TDG: variants seen among roughly 807,000 people sequenced by gnomAD.
TDG encodes the protein G/T mismatch-specific thymine DNA glycosylase.
TDG carries 23 observed loss-of-function variants against 46.1 expected under a neutral mutation model. The ratio of observed to expected loss-of-function variants is 0.50; its 90% CI spans 0.36 to 0.71. The LOEUF is 0.71. TDG is among the 30% of genes least tolerant of loss of function. TDG has a pLI of 0.00. For synonymous variants in TDG, 115 were observed against 161.3 expected (o/e 0.71, Z 2.18); for missense variants, 304 against 486.7 (o/e 0.62, Z 3.53).
In TDG at chr12:103,979,882, C is replaced by G; in HGVS notation, c.218C>G (p.Pro73Arg). 6.2e-7 allele frequency: 1 copy of G among 1,603,752 alleles called. No homozygotes were observed. Among genetic ancestry groups the G allele is most frequent in the Non-Finnish European group, 8.5e-7 (1 of 1,177,680 alleles). ...RKPRTTEPKQ[P>R]VEPKKPVESK... ...CCCAGAACAACAGAACCAAAACAAC[C>G]AGTGGAACCCAAAAAACCTGTTGAG... The change falls in exon 3 of 10, where the codon CCA (proline) becomes CGA (arginine). Residue 73 changes from proline to arginine, a missense_variant. Transcript: ENST00000392872.
intron 3 of TDG, 62 bp from the exon 4 acceptor site, chr12:103,980,831 A>G: frequency 6.7e-7 from 1 of 1,497,034 alleles, no homozygotes; most frequent in Non-Finnish European, 9.1e-7. Flanking sequence ...ACTCCTCCAT[A>G]GAAACGCTAA....
At chr12:103,980,668 G>T (rs966770315) in intron 3 of TDG, 13 of 427,944 alleles carry the variant, frequency 3.0e-5, no homozygotes, top group African/African-American at 1.4e-4. Flanking sequence ...AGTCAAACTG[G>T]TTTTTTAAAA....
chr12:103,982,804 T>G lies in TDG; in HGVS notation c.484T>G (p.Cys162Gly). 1 of 1,612,168 alleles carries G rather than the reference T, an allele frequency of 6.2e-7. No individual in the cohort carries two copies. The highest frequency in any genetic ancestry group is 1.1e-5 in the South Asian group (1 of 90,802). ...ACTGAATTTTCATTTTACAGGGAAG[T>G]GTTTGTTTATGTCAGGGCTCAGTGA... ...YPGPGNHFWK[C>G]LFMSGLSEVQ... Residue 162 changes from cysteine to glycine, a missense_variant, in exon 5 of 10, where the codon TGT becomes GGT. Physicochemically the swap from Cys to Gly is radical, Grantham distance 159. Coordinates refer to ENST00000392872, the MANE Select transcript of TDG (RefSeq NM_003211.6).
intron 4 of TDG, among the ~76,000 whole-genome samples, chr12:103,981,793 T>G (rs1199524652): frequency 6.6e-6 from 1 of 152,138 alleles, no homozygotes; most frequent in African/African-American, 2.4e-5. Flanking sequence ...GAGGATCACT[T>G]GAGGCCAGGA....
rs1292967562 is a variant in TDG, at chr12:103,977,056, G to A, written c.162G>A (p.Val54=). Residue 54 remains valine, a synonymous_variant, in exon 2 of 10, where the codon GTG becomes GTA. Transcript: ENST00000392872. ...CCCCAGCTCCTGCTCAGGAACCAGTGCAAGGTAGTTTCACCATGAGAGCTT... is the reference window on the plus strand; with the variant it reads ...CCCCAGCTCCTGCTCAGGAACCAGTACAAGGTAGTTTCACCATGAGAGCTT... The part of the protein sequence containing the change: ...VPAPAPAQEP[V]QEAPKGRKRK... The A allele has an allele frequency of 1.9e-6, 3 of 1,607,916 alleles. No individual in the cohort carries two copies. Among genetic ancestry groups the A allele is most frequent in the East Asian group, 2.2e-5 (1 of 44,856 alleles).
rs567953735 is a variant in TDG, at chr12:103,988,297, A to G, written c.*1207A>G. ...AGCATGCTGTTTTGTCAATCAATAT[A>G]AAATATTTATGAGGTCTCCCCCACC... On this transcript the variant is annotated 3_prime_UTR_variant, in exon 10 of 10. Coordinates refer to ENST00000392872, the MANE Select transcript of TDG (RefSeq NM_003211.6). The G allele has an allele frequency of 3.3e-5, 5 of 152,726 alleles. No individual in the cohort carries two copies. Among genetic ancestry groups the G allele is most frequent in the Non-Finnish European group, 7.4e-5 (5 of 68,016 alleles). The allele number at this position is 152,726 out of a possible 1,614,324, so 9.5% of individuals were successfully genotyped here. A position where few individuals can be genotyped will look rare whatever the true frequency, so the allele number is the denominator to read the frequency against.
intron 1 of TDG, among the ~76,000 whole-genome samples, chr12:103,975,998 C>G (rs933047887): frequency 1.3e-5 from 2 of 151,792 alleles, no homozygotes; most frequent in Non-Finnish European, 2.9e-5. Context: ...TCAACACTTG[C>G]ATTGGGGATT....
chr12:103,967,397 T>C (rs1182629114), intron 1 of TDG, among the ~76,000 whole-genome samples: 1 of 151,982 alleles, frequency 6.6e-6, no homozygotes, highest in Non-Finnish European at 1.5e-5. Context: ...TAGTTCTCTG[T>C]CACCCTTGAC....
chr12:103,973,795 C>G (rs1871385359), intron 1 of TDG, among the ~76,000 whole-genome samples: 2 of 152,074 alleles, frequency 1.3e-5, no homozygotes, highest in Admixed American at 6.5e-5. Flanking sequence ...ATTTTGTATT[C>G]TTTTCTGTTT....
rs771121521 is a variant in TDG at position 103,987,112 on chromosome 12, C to T, written c.*22C>T. The T allele has an allele frequency of 2.2e-5, 36 of 1,607,978 alleles. No homozygotes were observed. In the African/African-American group the frequency reaches 3.3e-4, roughly 15 times the overall value. Reference sequence around the variant, plus strand: ...TTAAGAATGGTGCTTCTCAGCTCTGCTTAAATGCTGCAGTTTTAATGCAGT... The same window carrying T: ...TTAAGAATGGTGCTTCTCAGCTCTGTTTAAATGCTGCAGTTTTAATGCAGT... On this transcript the variant is annotated 3_prime_UTR_variant, in exon 10 of 10. Coordinates refer to ENST00000392872, the MANE Select transcript of TDG (RefSeq NM_003211.6).
intron 1 of TDG, among the ~76,000 whole-genome samples, chr12:103,974,569 C>T (rs1871430485): frequency 6.6e-6 from 1 of 152,204 alleles, no homozygotes; most frequent in Admixed American, 6.5e-5. Flanking sequence ...ACATAAGCCA[C>T]CGTGCCTGGC....
intron 1 of TDG, among the ~76,000 whole-genome samples, chr12:103,969,226 A>G (rs1289658590): frequency 6.6e-6 from 1 of 152,220 alleles, no homozygotes; most frequent in African/African-American, 2.4e-5. Flanking sequence ...AAGCATGGGC[A>G]TAAAGAGATT....
chr12:103,988,305 T>G lies in TDG; in HGVS notation c.*1215T>G, dbSNP rs11532352. ...GTTTTGTCAATCAATATAAAATATT[T>G]ATGAGGTCTCCCCCACCCCCAGGAG... On this transcript the variant is annotated 3_prime_UTR_variant, in exon 10 of 10. Transcript: ENST00000392872. 0.073 allele frequency: 10,906 copies of G among 150,344 alleles called. 67 individuals carry two copies. Among genetic ancestry groups the G allele is most frequent in the East Asian group, 0.25 (1,214 of 4,908 alleles). The allele number at this position is 150,344 out of a possible 1,614,324, so 9.3% of individuals were successfully genotyped here.
At chr12:103,982,077 A>G (rs936394264) in intron 4 of TDG, among the ~76,000 whole-genome samples, 3 of 152,188 alleles carry the variant, frequency 2.0e-5, no homozygotes. Context: ...CCTTCTCTAT[A>G]TAAGTTGTCT....
intron 4 of TDG, 47 bp from the exon 5 acceptor site, chr12:103,982,752 G>A (rs372289901): frequency 4.4e-6 from 7 of 1,590,450 alleles, no homozygotes; most frequent in African/African-American, 2.7e-5. Context: ...GTGACAGAGC[G>A]AGACCCTGTC....
At chr12:103,982,395 G>C (rs920524418) in intron 4 of TDG, among the ~76,000 whole-genome samples, 2 of 152,168 alleles carry the variant, frequency 1.3e-5, no homozygotes, top group Non-Finnish European at 1.5e-5. Context: ...CCTAAACTGA[G>C]TTGCTATATA....
intron 2 of TDG, among the ~76,000 whole-genome samples, chr12:103,978,042 T>C (rs1380390596): frequency 6.6e-6 from 1 of 151,492 alleles, no homozygotes; most frequent in African/African-American, 2.4e-5. Context: ...AGCTGGGCAA[T>C]AGTGCGAGAC....
At chr12:103,978,872 C>T (rs1296975015) in intron 2 of TDG, among the ~76,000 whole-genome samples, 4 of 152,030 alleles carry the variant, frequency 2.6e-5, no homozygotes, top group African/African-American at 9.7e-5. Context: ...CTGTAATGTG[C>T]AGTACAGCCA....
intron 9 of TDG, chr12:103,986,685 C>A (rs1872169800): frequency 3.4e-6 from 1 of 295,752 alleles, no homozygotes; most frequent in Admixed American, 4.2e-5. Flanking sequence ...TGGACTCCAG[C>A]CTGGGTGACA....
Sources: allele counts gnomAD v4.1 joint callset (sites outside exome capture counted in the v4.1 genomes callset), GRCh38; gene constraint gnomAD v4.1.1; transcripts MANE v1.5; gene names NCBI Gene and HGNC (gene_info 2026-07-23, HGNC 2026-07-21).